The following DYM variants were observed in gnomAD, a reference collection of about 807,000 sequenced individuals.
DYM encodes the protein dyggve-Melchior-Clausen syndrome protein.
Under a neutral mutation model 93.1 loss-of-function variants are expected in DYM, and 78 were observed. The ratio of observed to expected loss-of-function variants is 0.84; its 90% CI spans 0.70 to 1.01. The LOEUF is 1.01. Among genes scored for constraint, DYM ranks in the 50% least tolerant of loss-of-function variants. DYM has a pLI of 0.00. For synonymous variants in DYM, 321 were observed against 319.7 expected (o/e 1.00, Z -0.04); for missense variants, 789 against 845.0 (o/e 0.93, Z 0.82).
At chr18:49,345,271 A>G (rs938455390) in intron 6 of DYM, among the ~76,000 whole-genome samples, 3 of 152,122 alleles carry the variant, frequency 2.0e-5, no homozygotes, top group South Asian at 2.1e-4. Context: ...GTAAAAGCAT[A>G]TATCTCTTCT....
chr18:49,201,778 C>A (rs2145900715), intron 14 of DYM, among the ~76,000 whole-genome samples: 1 of 152,360 alleles, frequency 6.6e-6, no homozygotes, highest in South Asian at 2.1e-4. Context: ...AGTTACTGCG[C>A]AGATAATCCT....
chr18:49,204,538 T>C (rs1163976039), intron 14 of DYM, among the ~76,000 whole-genome samples: 1 of 152,216 alleles, frequency 6.6e-6, no homozygotes, highest in African/African-American at 2.4e-5. Context: ...CCAAACTTAT[T>C]CACTACTCCA....
intron 8 of DYM, among the ~76,000 whole-genome samples, chr18:49,292,057 C>T (rs2060145213): frequency 6.6e-6 from 1 of 152,052 alleles, no homozygotes; most frequent in Non-Finnish European, 1.5e-5. Flanking sequence ...ACAACATGGT[C>T]CCCAAGGTCA....
intron 1 of DYM, among the ~76,000 whole-genome samples, chr18:49,441,554 G>A (rs184029209): frequency 7.3e-5 from 11 of 150,218 alleles, no homozygotes; most frequent in Non-Finnish European, 1.6e-4. Context: ...TAGGCTCCAA[G>A]TGCTATATTA....
intron 8 of DYM, among the ~76,000 whole-genome samples, chr18:49,310,768 C>T (rs139920647): frequency 2.3e-4 from 35 of 152,124 alleles, no homozygotes; most frequent in Non-Finnish European, 3.8e-4. Flanking sequence ...AACATATATG[C>T]TTAAGAGGAT....
chr18:49,066,670 A>C (rs1403553398), intron 17 of DYM, among the ~76,000 whole-genome samples: 1 of 152,216 alleles, frequency 6.6e-6, no homozygotes, highest in South Asian at 2.1e-4. Context: ...CGACTTTAGC[A>C]GATAAGCCAA....
chr18:49,120,171 G>A (rs1261535056), intron 15 of DYM, among the ~76,000 whole-genome samples: 1 of 151,292 alleles, frequency 6.6e-6, no homozygotes, highest in Non-Finnish European at 1.5e-5. Flanking sequence ...TTCCATACAG[G>A]AAGGCAGAAA....
At chr18:49,254,085 T>C (rs1260756910) in intron 13 of DYM, among the ~76,000 whole-genome samples, 3 of 152,120 alleles carry the variant, frequency 2.0e-5, no homozygotes, top group African/African-American at 7.2e-5. Flanking sequence ...TGATGATTGC[T>C]GTATCAGGCC....
intron 14 of DYM, among the ~76,000 whole-genome samples, chr18:49,182,670 C>CT (rs1259773646): frequency 6.6e-6 from 1 of 152,004 alleles, no homozygotes; most frequent in Non-Finnish European, 1.5e-5. Flanking sequence ...CCTATTGATT[C>CT]TTTTTTTCCC....
chr18:49,228,666 C>T (rs1003296815), intron 13 of DYM, among the ~76,000 whole-genome samples: 11 of 152,104 alleles, frequency 7.2e-5, no homozygotes, highest in African/African-American at 2.7e-4. Context: ...TCAAAATCCG[C>T]AATACTTCTA....
At chr18:49,434,210 G>A (rs1405994535) in intron 1 of DYM, among the ~76,000 whole-genome samples, 1 of 152,122 alleles carries the variant, frequency 6.6e-6, no homozygotes, top group African/African-American at 2.4e-5. Context: ...AGCCAGGTGT[G>A]GTGGCACACG....
intron 1 of DYM, among the ~76,000 whole-genome samples, chr18:49,453,327 G>A (rs1197029748): frequency 6.6e-6 from 1 of 152,136 alleles, no homozygotes; most frequent in Non-Finnish European, 1.5e-5. Flanking sequence ...AACCAGCAGT[G>A]GCAACCGGCT....
chr18:49,164,147 G>T (rs527474583), intron 14 of DYM, among the ~76,000 whole-genome samples: 16 of 152,198 alleles, frequency 1.1e-4, no homozygotes, highest in Non-Finnish European at 1.8e-4. Context: ...TTGAGCTTGT[G>T]TATTTTCTCA....
At chr18:49,120,243 A>G (rs2082270319) in intron 15 of DYM, among the ~76,000 whole-genome samples, 1 of 152,188 alleles carries the variant, frequency 6.6e-6, no homozygotes, top group Non-Finnish European at 1.5e-5. Flanking sequence ...TTACACATTA[A>G]TAACTACATT....
intron 8 of DYM, among the ~76,000 whole-genome samples, chr18:49,299,576 C>T (rs2060774037): frequency 6.6e-6 from 1 of 152,182 alleles, no homozygotes; most frequent in African/African-American, 2.4e-5. Context: ...GCATACCCAT[C>T]TTTCCTGCTA....
At chr18:49,164,276 CT>C (rs1339990081) in intron 14 of DYM, among the ~76,000 whole-genome samples, 3 of 152,104 alleles carry the variant, frequency 2.0e-5, no homozygotes, top group African/African-American at 7.2e-5. Flanking sequence ...AAGATTTCTG[CT>C]TCTGGCCATG....
chr18:49,258,255 C>T, intron 12 of DYM, 125 bp downstream of exon 12: 2 of 711,062 alleles, frequency 2.8e-6, no homozygotes, highest in South Asian at 1.5e-5. Flanking sequence ...AGTGACTATA[C>T]AGTGACCGGT....
intron 13 of DYM, among the ~76,000 whole-genome samples, chr18:49,249,072 G>C (rs958790545): frequency 8.5e-5 from 13 of 152,192 alleles, no homozygotes; most frequent in African/African-American, 2.9e-4. Flanking sequence ...AATCCCAGGA[G>C]TTTGGATCCA....
chr18:49,055,306 TG>T (rs1222098746), intron 17 of DYM, among the ~76,000 whole-genome samples: 2 of 152,126 alleles, frequency 1.3e-5, no homozygotes, highest in African/African-American at 4.8e-5. Flanking sequence ...CCTGTTCACC[TG>T]GGAAGCCTAG....
Sources: gnomAD v4.1 joint callset for allele counts (sites outside exome capture counted in the v4.1 genomes callset) on GRCh38, gnomAD v4.1.1 for gene constraint, MANE v1.5 for transcripts, NCBI Gene and HGNC (gene_info 2026-07-23, HGNC 2026-07-21) for gene names.